The following UNC5C variants were observed in gnomAD, a reference collection of about 807,000 sequenced individuals.
UNC5C encodes netrin receptor UNC5C.
UNC5C carries 47 observed loss-of-function variants against 99.8 expected under a neutral mutation model. The ratio of observed to expected loss-of-function variants is 0.47; its 90% CI spans 0.37 to 0.60. UNC5C has a LOEUF of 0.60. Among genes scored for constraint, UNC5C ranks in the 20% least tolerant of loss-of-function variants. The pLI is 0.00. For missense variants in UNC5C, 1,062 were observed against 1,165.9 expected, an observed-to-expected ratio of 0.91 and a Z score of 1.30; for synonymous variants, 487 against 452.2, an observed-to-expected ratio of 1.08 and a Z score of -0.98.
rs779272234 is a variant in UNC5C, at chr4:95,170,257, T to C, written c.2527A>G (p.Ser843Gly). The change falls in exon 15 of 16, where the codon AGC becomes GGC. Residue 843 changes from serine to glycine, a missense_variant. Transcript: ENST00000453304. ...TTCTGCCGGATAGGGAGAGGGATGC[T>C]GAAAGCACTGGGCCCCGTGACCGTG... The part of the protein sequence containing the change: ...ITTVTGPSAF[S>G]IPLPIRQKLC... 23 of 1,613,976 alleles carry C rather than the reference T, an allele frequency of 1.4e-5. No individual in the cohort carries two copies. In the East Asian group the frequency reaches 4.2e-4, roughly 30 times the overall value.
chr4:95,261,993 C>G (rs74288926), intron 4 of UNC5C, among the ~76,000 whole-genome samples: 1 of 152,108 alleles, frequency 6.6e-6, no homozygotes, highest in Non-Finnish European at 1.5e-5. Context: ...TTAGCCACTG[C>G]GCCCAGTCTG....
At chr4:95,233,987 C>T (rs1454031302) in intron 7 of UNC5C, among the ~76,000 whole-genome samples, 1 of 151,946 alleles carries the variant, frequency 6.6e-6, no homozygotes, top group Non-Finnish European at 1.5e-5. Context: ...GTTATCAGGT[C>T]TCAGTAATAC....
intron 1 of UNC5C, among the ~76,000 whole-genome samples, chr4:95,383,860 T>C (rs1316655626): frequency 6.6e-6 from 1 of 152,194 alleles, no homozygotes; most frequent in Non-Finnish European, 1.5e-5. Flanking sequence ...TCTCATTACA[T>C]TAGCAAATAA....
intron 1 of UNC5C, among the ~76,000 whole-genome samples, chr4:95,372,348 C>T (rs1429840951): frequency 6.6e-6 from 1 of 152,130 alleles, no homozygotes; most frequent in East Asian, 1.9e-4. Context: ...AGAACAGCTG[C>T]TTTCTAAGTG....
chr4:95,487,018 C>T (rs2149480055), intron 1 of UNC5C, among the ~76,000 whole-genome samples: 1 of 151,796 alleles, frequency 6.6e-6, no homozygotes, highest in Non-Finnish European at 1.5e-5. Context: ...ACTCTTTGGC[C>T]TTTTCCCATG....
chr4:95,502,639 A>G (rs1034702446), intron 1 of UNC5C, among the ~76,000 whole-genome samples: 2 of 152,174 alleles, frequency 1.3e-5, no homozygotes, highest in African/African-American at 4.8e-5. Context: ...ACGACAATGC[A>G]TATAATGCTC....
chr4:95,220,247 T>G, intron 7 of UNC5C, 71 bp from the exon 8 acceptor site: 1 of 1,343,890 alleles, frequency 7.4e-7, no homozygotes. Context: ...TGTATTGCTA[T>G]AATTTTTTCA....
intron 4 of UNC5C, among the ~76,000 whole-genome samples, chr4:95,265,351 C>G (rs1483099127): frequency 6.6e-6 from 1 of 152,138 alleles, no homozygotes; most frequent in African/African-American, 2.4e-5. Flanking sequence ...AGGTGTGAAT[C>G]CATCACAATA....
At chr4:95,295,902 T>G (rs1449143302) in intron 3 of UNC5C, among the ~76,000 whole-genome samples, 1 of 152,102 alleles carries the variant, frequency 6.6e-6, no homozygotes. Flanking sequence ...CTGGGCAACA[T>G]GGAGGGACCC....
At chr4:95,462,076 T>C (rs1332865898) in intron 1 of UNC5C, among the ~76,000 whole-genome samples, 7 of 152,170 alleles carry the variant, frequency 4.6e-5, no homozygotes, top group Admixed American at 3.3e-4. Context: ...GAAAAGGCTA[T>C]ATGCTGAAAT....
Position 95,206,652 on chromosome 4 carries a change from G to C in UNC5C, c.1878C>G (p.Asn626Lys). The C allele has an allele frequency of 6.2e-7, 1 of 1,614,084 alleles. No homozygotes were observed. The highest frequency in any genetic ancestry group is 8.5e-7 in the Non-Finnish European group (1 of 1,180,024). ...NTEDWKILLK[N>K]QAAQGQWEDV... ...CCTCCCACTGTCCCTGTGCTGCCTG[G>C]TTCTTGAGCAGTATTTTCCAGTCCT... Residue 626 changes from asparagine (N) to lysine (K), a missense_variant, in exon 11 of 16, where the codon AAC (asparagine) becomes AAG (lysine). Asn to Lys is a moderately conservative substitution (Grantham distance 94). Around this residue, in one of 3 missense-constraint regions of UNC5C, gnomAD observed 810 missense variants for 854.5 expected, o/e 0.95. Coordinates refer to ENST00000453304, the MANE Select transcript of UNC5C (RefSeq NM_003728.4).
chr4:95,291,313 C>T (rs1741435303), intron 3 of UNC5C, among the ~76,000 whole-genome samples: 1 of 152,066 alleles, frequency 6.6e-6, no homozygotes. Flanking sequence ...AGGAAACTGA[C>T]ATACCAAAAA....
At chr4:95,283,964 A>G in intron 3 of UNC5C, among the ~76,000 whole-genome samples, 1 of 152,212 alleles carries the variant, frequency 6.6e-6, no homozygotes. Flanking sequence ...GGCTTAATAA[A>G]TCCATACACT....
chr4:95,173,831 T>C (rs1736224595), intron 14 of UNC5C, among the ~76,000 whole-genome samples: 1 of 152,156 alleles, frequency 6.6e-6, no homozygotes, highest in Non-Finnish European at 1.5e-5. Flanking sequence ...AGCTCCTCCT[T>C]GTACCTCTGG....
intron 13 of UNC5C, among the ~76,000 whole-genome samples, chr4:95,183,551 A>G (rs1736704145): frequency 6.6e-6 from 1 of 152,164 alleles, no homozygotes; most frequent in Admixed American, 6.5e-5. Context: ...TCTGCCCAGG[A>G]CAGGGGAAGC....
At chr4:95,301,889 G>C in intron 2 of UNC5C, 140 bp from the exon 3 acceptor site, 2 of 1,124,320 alleles carry the variant, frequency 1.8e-6, no homozygotes, top group Non-Finnish European at 2.5e-6. Flanking sequence ...CATCTCTTTT[G>C]ACTTTCTTCT....
At chr4:95,532,626 G>A (rs889299933) in intron 1 of UNC5C, among the ~76,000 whole-genome samples, 1 of 152,136 alleles carries the variant, frequency 6.6e-6, no homozygotes, top group Non-Finnish European at 1.5e-5. Flanking sequence ...GTAAGAAGGG[G>A]TGAAGATCTA....
At chr4:95,205,627 ATAT>A (rs2149361885) in intron 11 of UNC5C, among the ~76,000 whole-genome samples, 1 of 152,270 alleles carries the variant, frequency 6.6e-6, no homozygotes, top group Admixed American at 6.5e-5. Context: ...TATACTTTGC[ATAT>A]TATAACTTCC....
chr4:95,189,464 T>G (rs1033103991), intron 12 of UNC5C, among the ~76,000 whole-genome samples: 2 of 152,132 alleles, frequency 1.3e-5, no homozygotes, highest in African/African-American at 2.4e-5. Context: ...TTTAAAGCAA[T>G]GGCAACAGAA....
Sources: allele counts gnomAD v4.1 joint callset (sites outside exome capture counted in the v4.1 genomes callset), GRCh38; gene constraint gnomAD v4.1.1; regional missense constraint gnomAD v4.1.1; transcripts MANE v1.5; gene names NCBI Gene and HGNC (gene_info 2026-07-23, HGNC 2026-07-21).